Variants in NOS1AP observed in about 807,000 individuals in gnomAD.
NOS1AP encodes nitric oxide synthase 1 adaptor protein, also known as carboxyl-terminal PDZ ligand of neuronal nitric oxide synthase protein.
NOS1AP carries 21 observed loss-of-function variants against 56.2 expected under a neutral mutation model. The ratio of observed to expected loss-of-function variants is 0.37; its 90% CI spans 0.26 to 0.54. The LOEUF is 0.54. Ranked by LOEUF, NOS1AP falls within the 20% of genes least tolerant of loss-of-function variation. NOS1AP has a pLI of 0.84. For missense variants in NOS1AP, 522 were observed against 657.8 expected, an observed-to-expected ratio of 0.79 and a Z score of 2.26; for synonymous variants, 270 against 274.6, an observed-to-expected ratio of 0.98 and a Z score of 0.17.
intron 4 of NOS1AP, among the ~76,000 whole-genome samples, chr1:162,328,768 C>G (rs143864705): frequency 5.9e-4 from 90 of 152,332 alleles, no homozygotes; most frequent in African/African-American, 2.1e-3. Context: ...TTCCAGTCAA[C>G]ATGAGGGAAA....
intron 6 of NOS1AP, among the ~76,000 whole-genome samples, chr1:162,352,034 A>T (rs116344629): frequency 6.6e-6 from 1 of 150,664 alleles, no homozygotes; most frequent in Non-Finnish European, 1.5e-5. Context: ...GCTTTTCAGC[A>T]TGCTTTGTAG....
intron 4 of NOS1AP, among the ~76,000 whole-genome samples, chr1:162,307,314 A>G (rs1655866819): frequency 6.6e-6 from 1 of 152,204 alleles, no homozygotes; most frequent in Non-Finnish European, 1.5e-5. Context: ...AAATGAGTGA[A>G]TAGACTAACA....
chr1:162,365,068 G>C, intron 8 of NOS1AP: 1 of 1,272,704 alleles, frequency 7.9e-7, no homozygotes, highest in African/African-American at 1.6e-5. Context: ...GCGTGTGTGT[G>C]TGTATATGTG....
At chr1:162,278,480 G>A (rs1379789092) in intron 2 of NOS1AP, among the ~76,000 whole-genome samples, 2 of 152,202 alleles carry the variant, frequency 1.3e-5, no homozygotes, top group Non-Finnish European at 2.9e-5. Flanking sequence ...GTGGCAGATA[G>A]TGAGAGGTGC....
intron 2 of NOS1AP, among the ~76,000 whole-genome samples, chr1:162,166,620 C>T (rs1474750146): frequency 1.3e-5 from 2 of 152,224 alleles, no homozygotes; most frequent in African/African-American, 4.8e-5. Context: ...ACCTTTGTTT[C>T]TGCATGCATC....
Position 162,129,094 on chromosome 1 carries a change from A to G in NOS1AP, c.106-25311A>G, listed in dbSNP as rs1290382612. On this transcript the variant is annotated intron_variant, in intron 1 of 9. Transcript: ENST00000361897. The stretch of plus-strand genomic sequence containing the variant: ...TTTTTTTTAATGTTCTTGTCATTTC[A>G]TGCCAAAGTGTTTTGGGTCCCCAGC... 3.9e-5 allele frequency among the ~76,000 whole-genome samples: 6 copies of G among 151,948 alleles called. No homozygotes were observed. The East Asian group carries it at 7.7e-4, about 20-fold the overall frequency.
intron 2 of NOS1AP, among the ~76,000 whole-genome samples, chr1:162,249,189 G>T (rs1653770214): frequency 6.6e-6 from 1 of 152,286 alleles, no homozygotes; most frequent in South Asian, 2.1e-4. Flanking sequence ...GGTGGGGGAT[G>T]GTGGGACCTG....
intron 2 of NOS1AP, among the ~76,000 whole-genome samples, chr1:162,258,223 C>G (rs1319193415): frequency 6.6e-6 from 1 of 152,164 alleles, no homozygotes; most frequent in Non-Finnish European, 1.5e-5. Flanking sequence ...GTATTTATAA[C>G]ATGGAATCAT....
chr1:162,174,531 C>G (rs1053951255), intron 2 of NOS1AP, among the ~76,000 whole-genome samples: 1 of 152,040 alleles, frequency 6.6e-6, no homozygotes, highest in African/African-American at 2.4e-5. Flanking sequence ...GCACGTTGTG[C>G]ACATGTACCC....
intron 4 of NOS1AP, among the ~76,000 whole-genome samples, chr1:162,307,105 C>T (rs1655858838): frequency 6.6e-6 from 1 of 151,988 alleles, no homozygotes; most frequent in South Asian, 2.1e-4. Flanking sequence ...GCTTATTCTA[C>T]TCTTTCTGGC....
At chr1:162,075,344 G>T (rs1459276911) in intron 1 of NOS1AP, among the ~76,000 whole-genome samples, 1 of 152,220 alleles carries the variant, frequency 6.6e-6, no homozygotes, top group Admixed American at 6.5e-5. Context: ...TCAGATTGAA[G>T]CTGAATTCTC....
intron 4 of NOS1AP, among the ~76,000 whole-genome samples, chr1:162,306,563 C>T (rs79994027): frequency 0.018 from 2,696 of 152,214 alleles, 42 homozygotes; most frequent in Middle Eastern, 0.048. Context: ...GTGAGTTGAC[C>T]CGGTATAAAA....
intron 2 of NOS1AP, among the ~76,000 whole-genome samples, chr1:162,219,858 A>T (rs562215723): frequency 6.6e-6 from 1 of 152,366 alleles, no homozygotes; most frequent in Admixed American, 6.5e-5. Context: ...AGCAGCTTGT[A>T]TCTGCTTGTA....
chr1:162,077,955 C>T (rs4233385), intron 1 of NOS1AP, among the ~76,000 whole-genome samples: 82,749 of 152,116 alleles, frequency 0.54, 24,682 homozygotes, highest in Non-Finnish European at 0.68. Flanking sequence ...TCTGCTGCCC[C>T]CTTCTCTATC....
chr1:162,328,293 C>T (rs1302084416), intron 4 of NOS1AP, among the ~76,000 whole-genome samples: 1 of 152,194 alleles, frequency 6.6e-6, no homozygotes, highest in Non-Finnish European at 1.5e-5. Context: ...TTGATAGGTT[C>T]AGCAAATCAC....
chr1:162,070,344 A>G, intron 1 of NOS1AP, 62 bp downstream of exon 1: 1 of 1,396,238 alleles, frequency 7.2e-7, no homozygotes, highest in Non-Finnish European at 1.0e-6. Flanking sequence ...GTTTGAGCGG[A>G]TGGGATGCAC....
At chr1:162,121,585 G>A (rs2102052682) in intron 1 of NOS1AP, among the ~76,000 whole-genome samples, 1 of 152,188 alleles carries the variant, frequency 6.6e-6, no homozygotes, top group South Asian at 2.1e-4. Flanking sequence ...GTGACTTTGG[G>A]CATATCATCT....
At chr1:162,110,577 T>C (rs775944223) in intron 1 of NOS1AP, among the ~76,000 whole-genome samples, 5 of 152,180 alleles carry the variant, frequency 3.3e-5, no homozygotes, top group Non-Finnish European at 5.9e-5. Flanking sequence ...CTCTTTCTTT[T>C]AGCAGAATTT....
At chr1:162,331,232 A>G (rs1226828673) in intron 4 of NOS1AP, among the ~76,000 whole-genome samples, 1 of 152,172 alleles carries the variant, frequency 6.6e-6, no homozygotes, top group East Asian at 1.9e-4. Context: ...TTTAGAGATG[A>G]TAGACATGTG....
Sources: allele counts gnomAD v4.1 joint callset (sites outside exome capture counted in the v4.1 genomes callset), GRCh38; gene constraint gnomAD v4.1.1; transcripts MANE v1.5; gene names NCBI Gene and HGNC (gene_info 2026-07-23, HGNC 2026-07-21).